C11orf65: variants seen among roughly 807,000 people sequenced by gnomAD.
The protein encoded by C11orf65 is chromosome 11 open reading frame 65, also known as protein MFI.
A neutral mutation model predicts 35.3 loss-of-function variants in C11orf65; 38 were observed. The observed-to-expected ratio is 1.08, with a 90% CI of 0.83 to 1.41. The LOEUF (loss-of-function observed/expected upper bound fraction) is 1.41. Ranked by LOEUF, C11orf65 falls within the 40% of genes most tolerant of loss-of-function variation. The pLI, the probability that C11orf65 is intolerant of heterozygous loss-of-function variation, is 0.00. For synonymous variants in C11orf65, 105 were observed against 114.4 expected (o/e 0.92, Z 0.53); for missense variants, 370 against 367.1 (o/e 1.01, Z -0.06).
rs1451832347 is a variant in C11orf65, at chr11:108,406,794, T to G, written c.398A>C (p.Glu133Ala). 6.2e-7 allele frequency: 1 copy of G among 1,609,128 alleles called. No homozygotes were observed. Among genetic ancestry groups the G allele is most frequent in the African/African-American group, 1.3e-5 (1 of 74,894 alleles). Reference sequence around the variant, plus strand: ...AGAAACTGGCCTCCAGCCATTGTTTTCTATACGATGATACCAGCCACTATG... The same window carrying G: ...AGAAACTGGCCTCCAGCCATTGTTTGCTATACGATGATACCAGCCACTATG... ...EDHSGWYHRI[E>A]NNGWRPVSDT... is the part of the protein sequence containing the mutation. Residue 133 changes from glutamate to alanine, a missense_variant, in exon 5 of 9, where the codon GAA becomes GCA. Coordinates refer to ENST00000393084, the MANE Select transcript of C11orf65 (RefSeq NM_152587.5).
At chr11:108,419,122 C>A (rs2092780503) in intron 3 of C11orf65, among the ~76,000 whole-genome samples, 1 of 152,126 alleles carries the variant, frequency 6.6e-6, no homozygotes, top group African/African-American at 2.4e-5. Flanking sequence ...AGAAACATTT[C>A]CCAATTTGTT....
intron 2 of C11orf65, chr11:108,343,172 G>A (rs774015520): frequency 5.0e-6 from 8 of 1,602,446 alleles, no homozygotes; most frequent in South Asian, 3.3e-5. Flanking sequence ...ATCATCAAAT[G>A]CTCTTTAATG....
chr11:108,429,209 T>C (rs888585502), intron 3 of C11orf65, among the ~76,000 whole-genome samples: 41 of 151,964 alleles, frequency 2.7e-4, no homozygotes, highest in East Asian at 9.6e-4. Flanking sequence ...TAGGAAAATA[T>C]TGATAAATTG....
chr11:108,404,959 G>A (rs957330302), intron 6 of C11orf65, among the ~76,000 whole-genome samples: 3 of 152,282 alleles, frequency 2.0e-5, no homozygotes, highest in East Asian at 1.9e-4. Flanking sequence ...GTAACAGACC[G>A]GGCCGAAGGC....
intron 2 of C11orf65, among the ~76,000 whole-genome samples, chr11:108,455,601 A>AG (rs2093401753): frequency 6.6e-6 from 1 of 151,570 alleles, no homozygotes; most frequent in Admixed American, 6.6e-5. Context: ...GCGGATCACG[A>AG]GGTCAGGAGT....
intron 2 of C11orf65, among the ~76,000 whole-genome samples, chr11:108,457,060 G>A (rs2093418443): frequency 6.6e-6 from 1 of 152,054 alleles, no homozygotes; most frequent in Non-Finnish European, 1.5e-5. Flanking sequence ...GGGATACTTT[G>A]TTCTCATCAT....
intron 2 of C11orf65, among the ~76,000 whole-genome samples, chr11:108,455,368 G>T (rs116037370): frequency 0.011 from 1,741 of 152,136 alleles, 37 homozygotes; most frequent in African/African-American, 0.04. Flanking sequence ...TCAAAAAACT[G>T]TTAAAAATAA....
chr11:108,343,254 TGAATGGTGCACAG>T lies in C11orf65; in HGVS notation c.227-7975_227-7963del, dbSNP rs786202318. The T allele has an allele frequency of 2.5e-6, 4 of 1,614,052 alleles. No homozygotes were observed. Among genetic ancestry groups the T allele is most frequent in the Non-Finnish European group, 3.4e-6 (4 of 1,179,938 alleles). ...CCCTCTCTCAGCGAAGTGGTGTTCT[TGAATGGTGCACAG>T]GAACTGTCCCCATTGGTGAATTTCT... is the stretch of plus-strand genomic sequence containing the variant. On this transcript the variant is annotated intron_variant, in intron 2 of 3. Transcript: ENST00000524755.
intron 2 of C11orf65, among the ~76,000 whole-genome samples, chr11:108,348,450 T>A (rs2088759826): frequency 6.6e-6 from 1 of 151,256 alleles, no homozygotes; most frequent in Non-Finnish European, 1.5e-5. Flanking sequence ...AGAATATATA[T>A]AGCTAAGAAA....
At chr11:108,385,587 C>A (rs1410869404) in intron 8 of C11orf65, among the ~76,000 whole-genome samples, 2 of 151,666 alleles carry the variant, frequency 1.3e-5, no homozygotes, top group Non-Finnish European at 2.9e-5. Context: ...GAGGCTCAGG[C>A]AGGAGAATGG....
At chr11:108,343,072 T>C in intron 2 of C11orf65, 2 of 996,900 alleles carry the variant, frequency 2.0e-6, no homozygotes, top group Middle Eastern at 3.1e-4. Context: ...TTCCGATTGG[T>C]TTCCTCCAAG....
intron 2 of C11orf65, among the ~76,000 whole-genome samples, chr11:108,352,539 C>CA (rs2089334514): frequency 6.6e-6 from 1 of 152,068 alleles, no homozygotes; most frequent in South Asian, 2.1e-4. Context: ...GACTTGATAC[C>CA]AAAAGAACAA....
At chr11:108,419,204 G>A (rs975624303) in intron 3 of C11orf65, among the ~76,000 whole-genome samples, 3 of 152,128 alleles carry the variant, frequency 2.0e-5, no homozygotes, top group Non-Finnish European at 4.4e-5. Context: ...AGGAACACAG[G>A]TGCAAATATT....
At position 108,383,092 on chromosome 11, in the gene C11orf65, T is replaced by A. The variant is rs2091899868; in HGVS notation, c.871A>T (p.Thr291Ser). The A allele has an allele frequency of 6.2e-7, 1 of 1,611,448 alleles. No individual in the cohort carries two copies. Among genetic ancestry groups the A allele is most frequent in the Non-Finnish European group, 8.5e-7 (1 of 1,178,442 alleles). Residue 291 changes from threonine to serine, a missense_variant, in exon 9 of 9, where the codon ACT (threonine) becomes TCT (serine). Transcript: ENST00000393084. Reference protein sequence around the residue: ...SKMQMGIPDDTYYENVYQEPN... With the variant: ...SKMQMGIPDDSYYENVYQEPN... ...TCTTGATAAACATTTTCATAGTAAG[T>A]ATCATCTGGTATTCCCATTTGCATC...
chr11:108,466,849 G>A (rs935364380), intron 1 of C11orf65, among the ~76,000 whole-genome samples: 2 of 152,170 alleles, frequency 1.3e-5, no homozygotes, highest in Admixed American at 1.3e-4. Flanking sequence ...GCTTGAATTG[G>A]AACCTGTATA....
At chr11:108,404,550 G>T (rs1276177799) in intron 6 of C11orf65, among the ~76,000 whole-genome samples, 1 of 151,846 alleles carries the variant, frequency 6.6e-6, no homozygotes, top group African/African-American at 2.4e-5. Context: ...TGGGACTACA[G>T]GCGCCTGCCA....
intron 2 of C11orf65, among the ~76,000 whole-genome samples, chr11:108,459,770 C>CACACA (rs3221698): frequency 1.0e-4 from 14 of 140,618 alleles, no homozygotes; most frequent in East Asian, 4.2e-4. Context: ...CACACACACA[C>CACACA]CTCTTTATTT....
At chr11:108,403,827 T>C (rs1274032154) in intron 6 of C11orf65, among the ~76,000 whole-genome samples, 1 of 152,270 alleles carries the variant, frequency 6.6e-6, no homozygotes, top group Non-Finnish European at 1.5e-5. Flanking sequence ...ATTTATTTAT[T>C]TTTTTGAGAC....
At chr11:108,372,667 AAC>A (rs1420085142) in intron 2 of C11orf65, among the ~76,000 whole-genome samples, 1 of 152,256 alleles carries the variant, frequency 6.6e-6, no homozygotes, top group African/African-American at 2.4e-5. Flanking sequence ...AAAGGACAAA[AAC>A]ACAGAAAATA....
Sources: gnomAD v4.1 joint callset for allele counts (sites outside exome capture counted in the v4.1 genomes callset) on GRCh38, gnomAD v4.1.1 for gene constraint, MANE v1.5 for transcripts, NCBI Gene and HGNC (gene_info 2026-07-23, HGNC 2026-07-21) for gene names.